The following CLIC6 variants were observed in gnomAD, a reference collection of about 807,000 sequenced individuals.
CLIC6 encodes the protein CLIC family member 6.
A neutral mutation model predicts 49.2 loss-of-function variants in CLIC6; 39 were observed. That is an observed-to-expected ratio of 0.79 (90% CI 0.61 to 1.04). CLIC6 has a LOEUF of 1.04. CLIC6 is among the 50% of genes least tolerant of loss of function. CLIC6 has a pLI of 0.00. For synonymous variants in CLIC6, 446 were observed against 433.4 expected, an observed-to-expected ratio of 1.03 and a Z score of -0.36; for missense variants, 988 against 993.1, an observed-to-expected ratio of 0.99 and a Z score of 0.07.
chr21:34,694,290 A>AT (rs1415159378), intron 1 of CLIC6, among the ~76,000 whole-genome samples: 2 of 150,154 alleles, frequency 1.3e-5, no homozygotes, highest in Admixed American at 6.6e-5. Context: ...AGATCTGGTT[A>AT]TTTTTTTGTT....
intron 1 of CLIC6, among the ~76,000 whole-genome samples, chr21:34,690,861 CAAAAAAAAA>C (rs33931156): frequency 1.0e-5 from 1 of 99,674 alleles, no homozygotes; most frequent in Non-Finnish European, 1.9e-5. Context: ...TAATACATGT[CAAAAAAAAA>C]AAAAAAAAAA....
At chr21:34,674,346 C>T (rs934611615) in intron 1 of CLIC6, among the ~76,000 whole-genome samples, 2 of 152,152 alleles carry the variant, frequency 1.3e-5, no homozygotes, top group African/African-American at 2.4e-5. Flanking sequence ...CCCACTCTGG[C>T]GTTTCAAAGT....
chr21:34,696,079 G>A lies in CLIC6; in HGVS notation c.1375-11201G>A, dbSNP rs74558386. 4.9e-3 allele frequency among the ~76,000 whole-genome samples: 744 copies of A among 152,308 alleles called. 8 individuals are homozygous for A. Among genetic ancestry groups the A allele is most frequent in the African/African-American group, 0.017 (686 of 41,556 alleles). On this transcript the variant is annotated intron_variant, in intron 1 of 5. Transcript: ENST00000349499. ...AGGCAGAAGGACATTTTGCACTCTA[G>A]GTGTTGGTGTGGGGGAATGCAACAT... is the stretch of plus-strand genomic sequence containing the variant.
chr21:34,676,782 T>C (rs1989679964), intron 1 of CLIC6, among the ~76,000 whole-genome samples: 1 of 152,204 alleles, frequency 6.6e-6, no homozygotes, highest in Admixed American at 6.5e-5. Context: ...TAATGCCTAG[T>C]ATAGATTCTT....
At chr21:34,701,106 T>C (rs1990180278) in intron 1 of CLIC6, among the ~76,000 whole-genome samples, 1 of 141,548 alleles carries the variant, frequency 7.1e-6, no homozygotes, top group Non-Finnish European at 1.5e-5. Flanking sequence ...ATCGAGACCA[T>C]CCTGGCTAAC....
intron 1 of CLIC6, among the ~76,000 whole-genome samples, chr21:34,675,552 A>T (rs1467272984): frequency 6.6e-6 from 1 of 152,186 alleles, no homozygotes; most frequent in Admixed American, 6.5e-5. Flanking sequence ...TTATTGTCTT[A>T]GAAAACCTGC....
chr21:34,696,457 T>G (rs1054813413), intron 1 of CLIC6, among the ~76,000 whole-genome samples: 1 of 150,790 alleles, frequency 6.6e-6, no homozygotes, highest in Non-Finnish European at 1.5e-5. Context: ...GGAAGGACCC[T>G]GCTGGCCCTG....
intron 1 of CLIC6, among the ~76,000 whole-genome samples, chr21:34,683,842 C>T (rs1989825539): frequency 1.3e-5 from 2 of 152,212 alleles, no homozygotes; most frequent in Admixed American, 1.3e-4. Context: ...TTATAAATTA[C>T]CCAGTCTCTG....
intron 1 of CLIC6, among the ~76,000 whole-genome samples, chr21:34,695,231 G>A (rs951059399): frequency 5.3e-5 from 8 of 152,068 alleles, no homozygotes; most frequent in East Asian, 1.9e-4. Context: ...CCCATCCTCC[G>A]TCTTTACTCC....
chr21:34,673,613 G>A (rs1278802130), intron 1 of CLIC6, among the ~76,000 whole-genome samples: 4 of 152,084 alleles, frequency 2.6e-5, no homozygotes, highest in South Asian at 2.1e-4. Context: ...CTTCTGAGGG[G>A]TCACTTATCA....
chr21:34,678,906 C>T (rs1989724533), intron 1 of CLIC6, among the ~76,000 whole-genome samples: 1 of 152,170 alleles, frequency 6.6e-6, no homozygotes, highest in Non-Finnish European at 1.5e-5. Context: ...TAGAGATAAC[C>T]ACCAAATATT....
chr21:34,712,793 C>A (rs921016480), intron 5 of CLIC6, among the ~76,000 whole-genome samples: 2 of 152,220 alleles, frequency 1.3e-5, no homozygotes, highest in African/African-American at 4.8e-5. Flanking sequence ...GCCCAAACTT[C>A]GTTTCTAGCC....
At chr21:34,672,381 A>T (rs1275488896) in intron 1 of CLIC6, among the ~76,000 whole-genome samples, 2 of 152,088 alleles carry the variant, frequency 1.3e-5, no homozygotes, top group Non-Finnish European at 2.9e-5. Context: ...CCTGGATTAA[A>T]CTACTTACTG....
chr21:34,710,247 T>A (rs1360875512), intron 5 of CLIC6, among the ~76,000 whole-genome samples: 2 of 152,140 alleles, frequency 1.3e-5, no homozygotes, highest in Non-Finnish European at 2.9e-5. Context: ...CACTGCACTC[T>A]GGCCTGGGTG....
intron 1 of CLIC6, among the ~76,000 whole-genome samples, chr21:34,673,918 G>C (rs1454775618): frequency 6.6e-6 from 1 of 152,178 alleles, no homozygotes; most frequent in African/African-American, 2.4e-5. Flanking sequence ...CCTGAGCTGG[G>C]TTTTGTGAAC....
At chr21:34,696,428 C>G (rs1990088300) in intron 1 of CLIC6, among the ~76,000 whole-genome samples, 1 of 152,210 alleles carries the variant, frequency 6.6e-6, no homozygotes, top group Admixed American at 6.5e-5. Flanking sequence ...AATAAACAAG[C>G]CAACTCCCAT....
At position 34,670,378 on chromosome 21, in the gene CLIC6, AGCGGAGGAG is replaced by A; in HGVS notation, c.998_1006del (p.Glu333_Glu335del). On this transcript the variant is annotated inframe_deletion, in exon 1 of 6. Transcript: ENST00000349499. The stretch of plus-strand genomic sequence containing the variant: ...GCCCCGGTGAGCTCGCCTGGGACGC[AGCGGAGGAG>A]GCGGAGGTCCCGGGGGTAAAGGGGT... 1 of 1,453,704 alleles carries A rather than the reference AGCGGAGGAG, an allele frequency of 6.9e-7. No homozygotes were observed. Among genetic ancestry groups the A allele is most frequent in the Non-Finnish European group, 9.1e-7 (1 of 1,103,860 alleles). 90.1% of individuals were successfully genotyped at this position (1,453,704 alleles called of 1,614,324 possible). A position where few individuals can be genotyped will look rare whatever the true frequency, so the allele number is the denominator to read the frequency against.
At position 34,669,702 on chromosome 21, in the gene CLIC6, C is replaced by A. The variant is rs1245058826; in HGVS notation, c.314C>A (p.Ala105Glu). Reference sequence around the variant, plus strand: ...CAAGGAGGGGAGGAGACAAGCGGCGCGCAGCAGGTGGAGGGGGCGAGCCCG... The same window carrying A: ...CAAGGAGGGGAGGAGACAAGCGGCGAGCAGCAGGTGGAGGGGGCGAGCCCG... ...VPQGGEETSGAQQVEGASPGR... is the reference protein window; with the variant it reads ...VPQGGEETSGEQQVEGASPGR... Residue 105 changes from alanine (A) to glutamate (E), a missense_variant, in exon 1 of 6, where the codon GCG (alanine) becomes GAG (glutamate). Around this residue, in one of 3 missense-constraint regions of CLIC6, gnomAD observed 284 missense variants for 278.6 expected, o/e 1.02. Transcript: ENST00000349499. The A allele has an allele frequency of 2.9e-6, 4 of 1,364,874 alleles. No individual in the cohort carries two copies. The highest frequency in any genetic ancestry group is 3.8e-6 in the Non-Finnish European group (4 of 1,065,890). The allele number at this position is 1,364,874 out of a possible 1,614,324, so 84.5% of individuals were successfully genotyped here.
intron 1 of CLIC6, among the ~76,000 whole-genome samples, chr21:34,694,799 A>G (rs1990063256): frequency 6.6e-6 from 1 of 152,178 alleles, no homozygotes; most frequent in African/African-American, 2.4e-5. Flanking sequence ...AGGGATTCTC[A>G]CTTTTTCTCC....
Sources: allele counts gnomAD v4.1 joint callset (sites outside exome capture counted in the v4.1 genomes callset), GRCh38; gene constraint gnomAD v4.1.1; regional missense constraint gnomAD v4.1.1; transcripts MANE v1.5; gene names NCBI Gene and HGNC (gene_info 2026-07-23, HGNC 2026-07-21).